Variants in SCART1 observed in about 807,000 individuals in gnomAD.
SCART1 encodes scavenger receptor family member expressed on T cells 1.
SCART1 carries 62 observed loss-of-function variants against 36.2 expected under a neutral mutation model. The observed-to-expected ratio is 1.71, with a 90% CI of 1.40 to 2.12. The LOEUF is 2.12. Among genes scored for constraint, SCART1 ranks in the 30% most tolerant of loss-of-function variants. SCART1 has a pLI of 0.00. For missense variants in SCART1, 1,041 were observed against 540.5 expected, an observed-to-expected ratio of 1.93 and a Z score of -9.18; for synonymous variants, 487 against 238.7, an observed-to-expected ratio of 2.04 and a Z score of -9.59.
chr10:133,464,584 C>T (rs1337626484), intron 6 of SCART1, 22 bp from the exon 7 acceptor site: 2 of 635,144 alleles, frequency 3.1e-6, no homozygotes, highest in African/African-American at 1.8e-5. Flanking sequence ...CACTCCCTGG[C>T]CTGACTGTGC....
chr10:133,459,406 G>A (rs1407313385), intron 5 of SCART1, 80 bp downstream of exon 5: 4 of 613,870 alleles, frequency 6.5e-6, no homozygotes, highest in African/African-American at 3.7e-5. Context: ...CAGAGGGGGC[G>A]GAGAGGTACG....
chr10:133,461,731 G>C (rs1433796449), intron 6 of SCART1, among the ~76,000 whole-genome samples: 1 of 152,122 alleles, frequency 6.6e-6, no homozygotes, highest in East Asian at 1.9e-4. Context: ...ATGATGCTCT[G>C]CTCTCATAAA....
chr10:133,458,354 C>T lies in SCART1; in HGVS notation c.683-6C>T, dbSNP rs1005844891. On this transcript the variant is annotated splice_region_variant and splice_polypyrimidine_tract_variant and intron_variant, in intron 3 of 11. Coordinates refer to ENST00000640237, the Ensembl canonical transcript of SCART1. ...GTCTCCTGCCTGAGAGGACGTCTGC[C>T]CCCAGGACACACCGAGGCCCGACTG... 1.4e-6 allele frequency: 1 copy of T among 702,638 alleles called. No individual in the cohort carries two copies. Among genetic ancestry groups the T allele is most frequent in the Non-Finnish European group, 2.6e-6 (1 of 384,736 alleles). 43.5% of individuals were successfully genotyped at this position (702,638 alleles called of 1,614,324 possible).
intron 8 of SCART1, 37 bp downstream of exon 8, chr10:133,465,211 C>T (rs1444311192): frequency 1.4e-6 from 1 of 702,618 alleles, no homozygotes; most frequent in Non-Finnish European, 2.6e-6. Flanking sequence ...TCCTTCCCAT[C>T]CCGGTCCAGC....
At chr10:133,465,796 C>T (rs1850758596) in intron 9 of SCART1, 1 of 694,854 alleles carries the variant, frequency 1.4e-6, no homozygotes, top group Admixed American at 2.0e-5. Flanking sequence ...TTGTTTATTC[C>T]AATCCTTGTT....
At chr10:133,454,912 G>A (rs1401931259) in intron 1 of SCART1, among the ~76,000 whole-genome samples, 12 of 152,176 alleles carry the variant, frequency 7.9e-5, no homozygotes, top group Admixed American at 6.5e-5. Context: ...GTCAACGATC[G>A]CATGCACAAG....
At chr10:133,459,293 G>T (rs1461428229) in exon 5 of SCART1, 1 of 648,312 alleles carries the variant, frequency 1.5e-6, no homozygotes, top group South Asian at 1.7e-5. Flanking sequence ...CCCGGCCTGT[G>T]CCCCGGGAAA....
intron 6 of SCART1, among the ~76,000 whole-genome samples, chr10:133,463,379 T>G (rs1850725875): frequency 6.6e-6 from 1 of 152,266 alleles, no homozygotes; most frequent in Admixed American, 6.5e-5. Flanking sequence ...ACTACATTCC[T>G]CCTGCTGTAT....
chr10:133,459,297 C>G (rs1013103006), exon 5 of SCART1: 1 of 645,624 alleles, frequency 1.5e-6, no homozygotes, highest in African/African-American at 1.8e-5. Context: ...GCCTGTGCCC[C>G]GGGAAACACA....
chr10:133,458,790 G>A (rs1029658395), intron 4 of SCART1, 134 bp downstream of exon 4: 27 of 671,412 alleles, frequency 4.0e-5, no homozygotes, highest in Admixed American at 5.1e-5. Flanking sequence ...TGAAAGAAGC[G>A]CAGGGAAGAG....
At chr10:133,465,379 C>T (rs1038399949) in exon 9 of SCART1, 7 of 666,638 alleles carry the variant, frequency 1.1e-5, no homozygotes, top group African/African-American at 7.4e-5. Context: ...GGTCGTGTGC[C>T]GCCAGCTGGG....
At chr10:133,465,812 C>T (rs1850758712) in intron 9 of SCART1, 4 of 695,448 alleles carry the variant, frequency 5.8e-6, no homozygotes, top group East Asian at 5.4e-5. Flanking sequence ...TTGTTCATTT[C>T]GGGTATGTGT....
intron 10 of SCART1, 94 bp downstream of exon 10, chr10:133,466,475 G>A: frequency 1.6e-6 from 1 of 645,138 alleles, no homozygotes; most frequent in Non-Finnish European, 2.8e-6. Flanking sequence ...GGCAGGCGGG[G>A]TGCCCCACAG....
chr10:133,461,854 T>C (rs2252728), intron 6 of SCART1, among the ~76,000 whole-genome samples: 1 of 152,108 alleles, frequency 6.6e-6, no homozygotes, highest in East Asian at 1.9e-4. Context: ...TCTTCCATGT[T>C]GTCCTTGCTC....
intron 6 of SCART1, among the ~76,000 whole-genome samples, chr10:133,461,304 C>G (rs1247903598): frequency 6.6e-6 from 1 of 151,988 alleles, no homozygotes; most frequent in East Asian, 1.9e-4. Context: ...CCCATCTGAC[C>G]TGTGGTCTCC....
exon 5 of SCART1, chr10:133,459,060 G>C (rs1413847422): frequency 1.4e-5 from 10 of 699,970 alleles, no homozygotes; most frequent in Non-Finnish European, 2.6e-5. Context: ...TGTGAGGGCC[G>C]CGTGGAGTTC....
At chr10:133,459,996 T>A in exon 6 of SCART1, 1 of 539,380 alleles carries the variant, frequency 1.9e-6, no homozygotes, top group East Asian at 3.3e-5. Context: ...GCAGCTGGGC[T>A]GTGGCCGCGC....
exon 6 of SCART1, chr10:133,459,964 G>C (rs768487082): frequency 1.8e-6 from 1 of 544,798 alleles, no homozygotes; most frequent in South Asian, 2.4e-5. Context: ...TGGGACCTGC[G>C]GGACGCGCAC....
intron 2 of SCART1, among the ~76,000 whole-genome samples, chr10:133,456,765 A>G (rs141046379): frequency 6.6e-6 from 1 of 152,192 alleles, no homozygotes; most frequent in Non-Finnish European, 1.5e-5. Context: ...GGAAAAACCA[A>G]CGCCAGGGAG....
Sources: gnomAD v4.1 joint callset for allele counts (sites outside exome capture counted in the v4.1 genomes callset) on GRCh38, gnomAD v4.1.1 for gene constraint, MANE v1.5 for transcripts, NCBI Gene and HGNC (gene_info 2026-07-23, HGNC 2026-07-21) for gene names.